Variants in DENND2A observed in about 807,000 individuals in gnomAD.
DENND2A encodes DENN domain-containing protein 2A.
Under a neutral mutation model 105.3 loss-of-function variants are expected in DENND2A, and 53 were observed. The ratio of observed to expected loss-of-function variants is 0.50; its 90% CI spans 0.40 to 0.63. The LOEUF (loss-of-function observed/expected upper bound fraction) is 0.63, where lower values mean the gene tolerates loss of function less well. Among genes scored for constraint, DENND2A ranks in the 30% least tolerant of loss-of-function variants. The pLI is 0.00. For missense variants in DENND2A, 1,138 were observed against 1,279.6 expected, an observed-to-expected ratio of 0.89 and a Z score of 1.69; for synonymous variants, 522 against 508.4, an observed-to-expected ratio of 1.03 and a Z score of -0.36.
rs1491212457 is a variant in DENND2A at position 140,613,681 on chromosome 7, AAC to A, written c.-247-7877_-247-7876del. 3.2e-3 allele frequency among the ~76,000 whole-genome samples: 443 copies of A among 140,554 alleles called. 4 individuals carry two copies. The highest frequency in any genetic ancestry group is 8.9e-3 in the African/African-American group (333 of 37,224). The allele number at this position is 140,554 out of a possible 152,430, so 92.2% of individuals were successfully genotyped here. A position where few individuals can be genotyped will look rare whatever the true frequency, so the allele number is the denominator to read the frequency against. On this transcript the variant is annotated intron_variant, in intron 1 of 19. Transcript: ENST00000496613. ...GCCACCCTTAAAATTAAAAAAAAAAAACAAACAAAAAACTACAGCTTAGATTG... is the reference window on the plus strand; with the variant it reads ...GCCACCCTTAAAATTAAAAAAAAAAAAAACAAAAAACTACAGCTTAGATTG...
At chr7:140,535,153 C>G (rs551881962) in intron 14 of DENND2A, among the ~76,000 whole-genome samples, 1 of 152,238 alleles carries the variant, frequency 6.6e-6, no homozygotes, top group African/African-American at 2.4e-5. Flanking sequence ...TAAGATGCTA[C>G]CAGAAAAGTA....
intron 5 of DENND2A, among the ~76,000 whole-genome samples, chr7:140,577,745 C>G (rs1014685573): frequency 2.6e-5 from 4 of 152,134 alleles, no homozygotes; most frequent in African/African-American, 9.7e-5. Flanking sequence ...CTTTGTGGGC[C>G]ATATCCTCTC....
At chr7:140,520,959 C>T (rs1238678180) in intron 18 of DENND2A, among the ~76,000 whole-genome samples, 2 of 151,462 alleles carry the variant, frequency 1.3e-5, no homozygotes. Flanking sequence ...ACTGCAACCT[C>T]TGCCTCCTGG....
At chr7:140,555,741 A>T in intron 11 of DENND2A, 28 bp from the exon 12 acceptor site, 1 of 1,576,212 alleles carries the variant, frequency 6.3e-7, no homozygotes, top group Non-Finnish European at 8.6e-7. Flanking sequence ...CAAGGGAATT[A>T]TGAGTGTTGA....
chr7:140,555,195 A>G (rs1034195474), intron 12 of DENND2A, among the ~76,000 whole-genome samples: 3 of 148,196 alleles, frequency 2.0e-5, no homozygotes, highest in Non-Finnish European at 3.0e-5. Context: ...GTGCAATGGC[A>G]CGATCTCGGC....
At chr7:140,608,903 C>T (rs542898980) in intron 1 of DENND2A, among the ~76,000 whole-genome samples, 74 of 152,140 alleles carry the variant, frequency 4.9e-4, no homozygotes, top group African/African-American at 1.7e-3. Flanking sequence ...TGTACCAAGA[C>T]GTACCAAAGC....
At chr7:140,542,563 C>CT (rs1796707575) in intron 14 of DENND2A, among the ~76,000 whole-genome samples, 1 of 142,034 alleles carries the variant, frequency 7.0e-6, no homozygotes, top group African/African-American at 2.7e-5. Context: ...CTTTTTCTCT[C>CT]TCTTTTTTTT....
chr7:140,551,320 A>G (rs1174729724), intron 12 of DENND2A, among the ~76,000 whole-genome samples: 1 of 150,858 alleles, frequency 6.6e-6, no homozygotes, highest in African/African-American at 2.4e-5. Context: ...AAAAAAAAAA[A>G]AAGAAAGGAA....
intron 1 of DENND2A, among the ~76,000 whole-genome samples, chr7:140,610,369 G>A (rs1799850862): frequency 6.6e-6 from 1 of 150,912 alleles, no homozygotes; most frequent in African/African-American, 2.4e-5. Context: ...CTACTCTCTT[G>A]GCCAGCTGAT....
chr7:140,553,832 C>G (rs1275344316), intron 12 of DENND2A, among the ~76,000 whole-genome samples: 2 of 152,192 alleles, frequency 1.3e-5, no homozygotes, highest in East Asian at 1.9e-4. Flanking sequence ...AGATTAACAG[C>G]ATCTCAAGGC....
intron 11 of DENND2A, among the ~76,000 whole-genome samples, chr7:140,556,748 T>C (rs563149149): frequency 6.6e-6 from 1 of 152,352 alleles, no homozygotes; most frequent in African/African-American, 2.4e-5. Flanking sequence ...AAAAAATGTT[T>C]CTTGAACACC....
chr7:140,558,295 G>GC, intron 10 of DENND2A, 83 bp from the exon 11 acceptor site: 1 of 1,096,440 alleles, frequency 9.1e-7, no homozygotes, highest in Non-Finnish European at 1.4e-6. Flanking sequence ...GGGTGGCAGT[G>GC]AGCAGCCATG....
chr7:140,590,314 G>A (rs766897951), intron 3 of DENND2A, among the ~76,000 whole-genome samples: 3 of 151,768 alleles, frequency 2.0e-5, no homozygotes, highest in African/African-American at 4.8e-5. Flanking sequence ...CGCTTGAACC[G>A]GGGAGGTGGA....
intron 3 of DENND2A, among the ~76,000 whole-genome samples, chr7:140,597,134 G>A (rs1358079314): frequency 6.6e-6 from 1 of 152,124 alleles, no homozygotes; most frequent in Non-Finnish European, 1.5e-5. Context: ...GAAAAAAGAA[G>A]AGAGAGAAAC....
At chr7:140,599,039 T>C (rs1211306190) in intron 3 of DENND2A, among the ~76,000 whole-genome samples, 1 of 152,112 alleles carries the variant, frequency 6.6e-6, no homozygotes, top group Non-Finnish European at 1.5e-5. Context: ...CTCTACTAGA[T>C]ATTAAAATAC....
At chr7:140,631,816 G>A (rs572821811) in intron 1 of DENND2A, among the ~76,000 whole-genome samples, 1 of 152,232 alleles carries the variant, frequency 6.6e-6, no homozygotes, top group Admixed American at 6.5e-5. Flanking sequence ...AGTCTCCAGG[G>A]TGCTGGAGAC....
chr7:140,608,738 G>A (rs983733360), intron 1 of DENND2A, among the ~76,000 whole-genome samples: 101 of 151,836 alleles, frequency 6.7e-4, no homozygotes, highest in African/African-American at 2.3e-3. Flanking sequence ...AGTTGGGAGT[G>A]CTCTGTGACT....
intron 1 of DENND2A, among the ~76,000 whole-genome samples, chr7:140,618,318 C>T (rs1308805302): frequency 1.3e-5 from 2 of 152,126 alleles, no homozygotes; most frequent in African/African-American, 2.4e-5. Flanking sequence ...TATTACAGAT[C>T]GCCAAACAGG....
At chr7:140,606,473 A>C (rs543818222) in intron 1 of DENND2A, among the ~76,000 whole-genome samples, 29 of 152,346 alleles carry the variant, frequency 1.9e-4, no homozygotes, top group Admixed American at 6.5e-4. Context: ...ATGAGCTAAT[A>C]GTCCCCAAAG....
Sources: gnomAD v4.1 joint callset for allele counts (sites outside exome capture counted in the v4.1 genomes callset) on GRCh38, gnomAD v4.1.1 for gene constraint, MANE v1.5 for transcripts, NCBI Gene and HGNC (gene_info 2026-07-23, HGNC 2026-07-21) for gene names.